The following HMGCLL1 variants were observed in gnomAD, a reference collection of about 807,000 sequenced individuals.
HMGCLL1 encodes the protein 3-hydroxymethyl-3-methylglutaryl-CoA lyase, cytoplasmic.
Under a neutral mutation model 39.1 loss-of-function variants are expected in HMGCLL1, and 36 were observed. That is an observed-to-expected ratio of 0.92 (90% CI 0.71 to 1.22). The LOEUF is 1.22. Ranked by LOEUF, HMGCLL1 falls within the 50% of genes most tolerant of loss-of-function variation. The probability of loss-of-function intolerance (pLI) is 0.00; values close to 1 mark genes in which losing one functional copy is unlikely to be tolerated. For missense variants in HMGCLL1, 451 were observed against 416.5 expected (o/e 1.08, Z -0.72); for synonymous variants, 149 against 144.0 (o/e 1.03, Z -0.25).
chr6:55,629,075 G>C, the HMGCLL1 span, among the ~76,000 whole-genome samples: 4 of 152,172 alleles, frequency 2.6e-5, no homozygotes, highest in Non-Finnish European at 4.4e-5. Flanking sequence ...CTGGGTAACA[G>C]GCAGGGGTTG....
the HMGCLL1 span, among the ~76,000 whole-genome samples, chr6:55,595,512 A>G: frequency 6.6e-6 from 1 of 152,204 alleles, no homozygotes; most frequent in Admixed American, 6.5e-5. Context: ...GGATTTATGG[A>G]ATCAAGGTGA....
At chr6:55,539,940 AGAAGGAAGGAAGGAAGGAAG>A (rs753957303) in intron 3 of HMGCLL1, among the ~76,000 whole-genome samples, 2,024 of 56,962 alleles carry the variant, frequency 0.036, 133 homozygotes, top group East Asian at 0.055. Flanking sequence ...GAGGAGGAGG[AGAAGGAAGGAAGGAAGGAAG>A]GAAGGAAGGA....
the HMGCLL1 span, among the ~76,000 whole-genome samples, chr6:55,643,175 G>C: frequency 2.0e-5 from 3 of 151,996 alleles, no homozygotes; most frequent in Non-Finnish European, 4.4e-5. Context: ...GATTGCTGGG[G>C]TGAATGGTAA....
chr6:55,440,876 T>C (rs1270043740), intron 7 of HMGCLL1, among the ~76,000 whole-genome samples: 2 of 152,144 alleles, frequency 1.3e-5, no homozygotes, highest in East Asian at 3.9e-4. Flanking sequence ...TTCTTTACTT[T>C]TTTGATAAAC....
chr6:55,626,862 T>G, the HMGCLL1 span, among the ~76,000 whole-genome samples: 1 of 151,832 alleles, frequency 6.6e-6, no homozygotes, highest in Non-Finnish European at 1.5e-5. Flanking sequence ...ACTATCAAGA[T>G]GAAATCAGTT....
the HMGCLL1 span, among the ~76,000 whole-genome samples, chr6:55,650,076 TACACACACATATAC>T: frequency 5.7e-4 from 55 of 96,988 alleles, no homozygotes; most frequent in African/African-American, 2.1e-3. Context: ...TATATATATA[TACACACACATATAC>T]ATATATATAT....
chr6:55,612,803 A>T, the HMGCLL1 span, among the ~76,000 whole-genome samples: 2 of 152,212 alleles, frequency 1.3e-5, no homozygotes, highest in East Asian at 1.9e-4. Context: ...TTAACTCAAG[A>T]TGGATTAAAG....
chr6:55,584,230 G>A, the HMGCLL1 span, among the ~76,000 whole-genome samples: 1 of 152,030 alleles, frequency 6.6e-6, no homozygotes, highest in African/African-American at 2.4e-5. Flanking sequence ...AATTTTCTCT[G>A]AGTATTATAT....
chr6:55,530,803 T>C (rs1181418362), intron 3 of HMGCLL1, among the ~76,000 whole-genome samples: 1 of 152,178 alleles, frequency 6.6e-6, no homozygotes, highest in East Asian at 1.9e-4. Context: ...AATCAGATAA[T>C]ATTAGATCAA....
intron 3 of HMGCLL1, among the ~76,000 whole-genome samples, chr6:55,532,491 A>T (rs1450927780): frequency 6.6e-6 from 1 of 151,934 alleles, no homozygotes; most frequent in Non-Finnish European, 1.5e-5. Flanking sequence ...TATTAACCTT[A>T]AAAAAAGTCC....
the HMGCLL1 span, among the ~76,000 whole-genome samples, chr6:55,618,571 G>A: frequency 6.6e-6 from 1 of 151,942 alleles, no homozygotes; most frequent in African/African-American, 2.4e-5. Context: ...CAGCACAACA[G>A]TTTTAAAAAG....
At chr6:55,565,840 G>C (rs559435113) in intron 1 of HMGCLL1, among the ~76,000 whole-genome samples, 1 of 152,190 alleles carries the variant, frequency 6.6e-6, no homozygotes, top group East Asian at 1.9e-4. Flanking sequence ...AACTATATCT[G>C]TTTCTCCAAG....
the HMGCLL1 span, among the ~76,000 whole-genome samples, chr6:55,614,413 T>G: frequency 3.9e-5 from 6 of 152,118 alleles, no homozygotes; most frequent in Non-Finnish European, 8.8e-5. Flanking sequence ...ACACTGAATC[T>G]TCCAGCATCT....
Position 55,517,603 on chromosome 6 carries a change from A to C in HMGCLL1, c.298-1000T>G, listed in dbSNP as rs139516504. Among the ~76,000 whole-genome samples the C allele has an allele frequency of 6.1e-3, 934 of 152,052 alleles. 12 individuals are homozygous for C. Among genetic ancestry groups the C allele is most frequent in the African/African-American group, 0.02 (830 of 41,552 alleles). On this transcript the variant is annotated intron_variant, in intron 3 of 8. Transcript: ENST00000274901. ...ATCAGAATGCATTATTTTTGAATTT[A>C]AAAAATTAAAAGCAAATAAATCCAA... is the stretch of plus-strand genomic sequence containing the variant.
chr6:55,532,497 A>C (rs963110453), intron 3 of HMGCLL1, among the ~76,000 whole-genome samples: 2 of 152,076 alleles, frequency 1.3e-5, no homozygotes, highest in Admixed American at 6.6e-5. Context: ...CCTTAAAAAA[A>C]GTCCAAAGAG....
At chr6:55,553,204 T>TATAC (rs1770457949) in intron 1 of HMGCLL1, among the ~76,000 whole-genome samples, 1 of 127,344 alleles carries the variant, frequency 7.9e-6, no homozygotes, top group African/African-American at 3.0e-5. Context: ...CACACACACA[T>TATAC]ACACACACAT....
chr6:55,498,475 C>G (rs12204954), intron 6 of HMGCLL1, among the ~76,000 whole-genome samples: 102,613 of 151,876 alleles, frequency 0.68, 34,684 homozygotes, highest in Non-Finnish European at 0.7. Context: ...TAAACTGAAA[C>G]TTTATCCTGC....
At chr6:55,564,676 T>C (rs1400878984) in intron 1 of HMGCLL1, among the ~76,000 whole-genome samples, 1 of 152,088 alleles carries the variant, frequency 6.6e-6, no homozygotes, top group Non-Finnish European at 1.5e-5. Context: ...TTTACACAAA[T>C]TTGATCTTTT....
intron 7 of HMGCLL1, among the ~76,000 whole-genome samples, chr6:55,487,608 C>T (rs532123713): frequency 6.6e-6 from 1 of 151,952 alleles, no homozygotes; most frequent in African/African-American, 2.4e-5. Flanking sequence ...CATCCATGTC[C>T]CTGCAAAGGA....
Sources: gnomAD v4.1 joint callset for allele counts (sites outside exome capture counted in the v4.1 genomes callset) on GRCh38, gnomAD v4.1.1 for gene constraint, MANE v1.5 for transcripts, NCBI Gene and HGNC (gene_info 2026-07-23, HGNC 2026-07-21) for gene names.